Variants in STMN4 observed in about 807,000 individuals in gnomAD.
STMN4 encodes stathmin-4.
A neutral mutation model predicts 29.1 loss-of-function variants in STMN4; 12 were observed. The ratio of observed to expected loss-of-function variants is 0.41; its 90% CI spans 0.26 to 0.67. STMN4 has a LOEUF of 0.67. STMN4 is among the 30% of genes least tolerant of loss of function. STMN4 has a pLI of 0.30. For missense variants in STMN4, 181 were observed against 262.8 expected, an observed-to-expected ratio of 0.69 and a Z score of 2.15; for synonymous variants, 114 against 105.3, an observed-to-expected ratio of 1.08 and a Z score of -0.51.
At chr8:27,240,204 T>C (rs746521450) in intron 5 of STMN4, 42 bp from the exon 6 acceptor site, 4 of 1,583,914 alleles carry the variant, frequency 2.5e-6, no homozygotes, top group East Asian at 4.5e-5. Flanking sequence ...TCACAGTGAG[T>C]GTGCCAGGGT....
chr8:27,252,119 G>A (rs1471427828), intron 1 of STMN4, among the ~76,000 whole-genome samples: 1 of 151,194 alleles, frequency 6.6e-6, no homozygotes, highest in Admixed American at 6.7e-5. Context: ...TTTCATCCAT[G>A]TCCCTACAAA....
chr8:27,246,206 A>G (rs1801620048), intron 1 of STMN4, among the ~76,000 whole-genome samples: 1 of 152,192 alleles, frequency 6.6e-6, no homozygotes, highest in Non-Finnish European at 1.5e-5. Context: ...GAAATGGGCT[A>G]GGAGTTTTAG....
intron 1 of STMN4, 43 bp downstream of exon 1, chr8:27,258,308 T>G (rs1802002741): frequency 6.6e-6 from 1 of 152,304 alleles, no homozygotes; most frequent in East Asian, 1.9e-4. Flanking sequence ...TTTTTTCTTT[T>G]GCCTGAAAAG....
intron 5 of STMN4, 48 bp downstream of exon 5, chr8:27,241,006 C>T (rs770265192): frequency 1.3e-6 from 2 of 1,565,762 alleles, no homozygotes; most frequent in Non-Finnish European, 1.7e-6. Context: ...CTCCACCTCC[C>T]TCCCCTTTAT....
At chr8:27,254,360 C>T (rs1041992667) in intron 1 of STMN4, among the ~76,000 whole-genome samples, 3 of 152,224 alleles carry the variant, frequency 2.0e-5, no homozygotes, top group African/African-American at 7.2e-5. Context: ...CAGCTCCTTT[C>T]TCTGGATTCA....
chr8:27,240,292 A>G, intron 5 of STMN4, 130 bp from the exon 6 acceptor site: 1 of 950,628 alleles, frequency 1.1e-6, no homozygotes. Flanking sequence ...GACCATTAGC[A>G]GGAAACAAGG....
chr8:27,243,412 A>AT (rs1801532202), intron 2 of STMN4, among the ~76,000 whole-genome samples: 1 of 152,126 alleles, frequency 6.6e-6, no homozygotes, highest in African/African-American at 2.4e-5. Flanking sequence ...CTGCAAAAAT[A>AT]ATATATAGGC....
chr8:27,243,948 G>A, intron 1 of STMN4, 147 bp from the exon 2 acceptor site: 2 of 686,246 alleles, frequency 2.9e-6, no homozygotes, highest in South Asian at 1.8e-5. Flanking sequence ...TCTCCCTGGG[G>A]GTCCCCTACC....
chr8:27,257,626 A>G lies in STMN4; in HGVS notation c.-79+725T>C, dbSNP rs575858896. 1.4e-4 allele frequency among the ~76,000 whole-genome samples: 22 copies of G among 152,116 alleles called. No homozygotes were observed. In the South Asian group the frequency reaches 3.9e-3, roughly 27 times the overall value. Reference sequence around the variant, plus strand: ...GGGACAGCTGACTGCTGGACATCAAAACCCTGGGTCCCAGGATGAGAAATG... The same window carrying G: ...GGGACAGCTGACTGCTGGACATCAAGACCCTGGGTCCCAGGATGAGAAATG... On this transcript the variant is annotated intron_variant, in intron 1 of 6. Coordinates refer to ENST00000350889, the MANE Select transcript of STMN4 (RefSeq NM_030795.4).
chr8:27,247,768 G>C (rs1801667755), intron 1 of STMN4, among the ~76,000 whole-genome samples: 1 of 152,218 alleles, frequency 6.6e-6, no homozygotes, highest in East Asian at 1.9e-4. Flanking sequence ...AGAGACAATA[G>C]AGGCCATAGG....
Position 27,236,747 on chromosome 8 carries a change from A to AAC in STMN4, c.*98_*99insGT. 8.6e-7 allele frequency: 1 copy of AAC among 1,164,962 alleles called. No homozygotes were observed. The highest frequency in any genetic ancestry group is 1.2e-6 in the Non-Finnish European group (1 of 860,298). 72.2% of individuals were successfully genotyped at this position (1,164,962 alleles called of 1,614,324 possible). A position where few individuals can be genotyped will look rare whatever the true frequency, so the allele number is the denominator to read the frequency against. On this transcript the variant is annotated 3_prime_UTR_variant, in exon 7 of 7. Coordinates refer to ENST00000350889, the MANE Select transcript of STMN4 (RefSeq NM_030795.4). ...CCCTTGGCCACCCCCCTCCCCCCAA[A>AAC]CCCCAGTGCTGGGAGCGCAGCCGGC...
intron 1 of STMN4, among the ~76,000 whole-genome samples, chr8:27,254,617 G>A (rs1260841685): frequency 1.3e-5 from 2 of 152,020 alleles, no homozygotes; most frequent in African/African-American, 4.8e-5. Context: ...GGATGGAGTG[G>A]GAGCACTCAC....
chr8:27,247,472 T>C (rs1210354987), intron 1 of STMN4, among the ~76,000 whole-genome samples: 1 of 152,178 alleles, frequency 6.6e-6, no homozygotes, highest in Non-Finnish European at 1.5e-5. Context: ...GCGCCAGCCA[T>C]GGCAGGAAAC....
intron 1 of STMN4, among the ~76,000 whole-genome samples, chr8:27,248,051 C>A (rs1023396111): frequency 1.3e-5 from 2 of 152,152 alleles, no homozygotes; most frequent in African/African-American, 4.8e-5. Context: ...ATATCCAGAA[C>A]CAGAGCTAGA....
At chr8:27,240,989 C>G in intron 5 of STMN4, 65 bp downstream of exon 5, 1 of 1,516,210 alleles carries the variant, frequency 6.6e-7, no homozygotes, top group Non-Finnish European at 8.9e-7. Flanking sequence ...GGTCCACCAC[C>G]TGTCTTCTCC....
intron 1 of STMN4, among the ~76,000 whole-genome samples, chr8:27,251,515 C>T (rs2130144519): frequency 6.6e-6 from 1 of 151,824 alleles, no homozygotes; most frequent in Middle Eastern, 3.4e-3. Flanking sequence ...TAATCTTACT[C>T]CCAATAACAA....
At chr8:27,254,121 T>C (rs1397725299) in intron 1 of STMN4, among the ~76,000 whole-genome samples, 1 of 152,208 alleles carries the variant, frequency 6.6e-6, no homozygotes, top group Non-Finnish European at 1.5e-5. Flanking sequence ...TCTGGTTTGA[T>C]GGCAGGTGCA....
At chr8:27,251,869 T>C (rs1801798264) in intron 1 of STMN4, among the ~76,000 whole-genome samples, 1 of 151,888 alleles carries the variant, frequency 6.6e-6, no homozygotes, top group African/African-American at 2.4e-5. Flanking sequence ...TGCAGGTTAG[T>C]TACATATGTA....
chr8:27,241,675 A>G lies in STMN4; in HGVS notation c.190+2T>C, dbSNP rs866417120. The stretch of plus-strand genomic sequence containing the variant: ...GGAATCCCTCCGCTGCCTCCCTCCT[A>G]CCCTGAGCTCTTCTTTCTCTCCAGT... On this transcript the variant is annotated splice_donor_variant, in intron 4 of 6. Transcript: ENST00000350889. LOFTEE classifies it high-confidence loss of function. 3.7e-6 allele frequency: 6 copies of G among 1,613,506 alleles called. No individual in the cohort carries two copies. The African/African-American group carries it at 6.7e-5, about 18-fold the overall frequency.
Sources: gnomAD v4.1 joint callset for allele counts (sites outside exome capture counted in the v4.1 genomes callset) on GRCh38, gnomAD v4.1.1 for gene constraint, MANE v1.5 for transcripts, NCBI Gene and HGNC (gene_info 2026-07-23, HGNC 2026-07-21) for gene names.